Variants in RBFOX1 observed in about 807,000 individuals in gnomAD.
RBFOX1 encodes the protein RNA binding fox-1 homolog 1.
A neutral mutation model predicts 57.7 loss-of-function variants in RBFOX1; 8 were observed. The ratio of observed to expected loss-of-function variants is 0.14; its 90% CI spans 0.08 to 0.25. The LOEUF (loss-of-function observed/expected upper bound fraction) is 0.25, where lower values mean the gene tolerates loss of function less well. RBFOX1 is among the 10% of genes least tolerant of loss of function. The probability of loss-of-function intolerance (pLI) is 1.00; values close to 1 mark genes in which losing one functional copy is unlikely to be tolerated. For synonymous variants in RBFOX1, 326 were observed against 222.4 expected (o/e 1.47, Z -4.15); for missense variants, 611 against 548.5 (o/e 1.11, Z -1.14).
At chr16:7,006,908 A>G (rs114934927) in intron 3 of RBFOX1, among the ~76,000 whole-genome samples, 47 of 152,210 alleles carry the variant, frequency 3.1e-4, no homozygotes, top group African/African-American at 1.1e-3. Flanking sequence ...TCACCTCCCC[A>G]TATGGACGCA....
At chr16:7,525,164 TA>T (rs1462284991) in intron 5 of RBFOX1, among the ~76,000 whole-genome samples, 2 of 152,210 alleles carry the variant, frequency 1.3e-5, no homozygotes, top group African/African-American at 4.8e-5. Context: ...ATTCAATCTT[TA>T]TATCTTATAA....
intron 4 of RBFOX1, among the ~76,000 whole-genome samples, chr16:7,319,550 A>T (rs2143006400): frequency 6.6e-6 from 1 of 152,172 alleles, no homozygotes; most frequent in African/African-American, 2.4e-5. Flanking sequence ...CAGCAGTGGG[A>T]TTTCTCTGGA....
At chr16:7,051,243 A>G (rs1405814693) in intron 3 of RBFOX1, among the ~76,000 whole-genome samples, 1 of 152,220 alleles carries the variant, frequency 6.6e-6, no homozygotes, top group East Asian at 1.9e-4. Context: ...ATGACCATAT[A>G]TCTCAAAATT....
chr16:5,568,211 T>G (rs1462855126), intron 2 of RBFOX1, among the ~76,000 whole-genome samples: 5 of 152,158 alleles, frequency 3.3e-5, no homozygotes, highest in African/African-American at 1.2e-4. Flanking sequence ...ACACTGCACT[T>G]CAGGTTGCAG....
chr16:7,701,539 G>A (rs772591693), intron 14 of RBFOX1, among the ~76,000 whole-genome samples: 12 of 152,118 alleles, frequency 7.9e-5, no homozygotes, highest in Non-Finnish European at 1.6e-4. Flanking sequence ...CACCTCCCTG[G>A]TCTGTGGAAA....
At chr16:6,027,495 AACCTTTC>A (rs2095218695) in intron 1 of RBFOX1, among the ~76,000 whole-genome samples, 1 of 152,142 alleles carries the variant, frequency 6.6e-6, no homozygotes, top group Admixed American at 6.5e-5. Flanking sequence ...CTAAGTCCAT[AACCTTTC>A]ACTTTCTTCA....
At chr16:5,922,414 G>T (rs747659092) in intron 4 of RBFOX1, among the ~76,000 whole-genome samples, 1 of 152,176 alleles carries the variant, frequency 6.6e-6, no homozygotes, top group South Asian at 2.1e-4. Flanking sequence ...GGCAAGGAGG[G>T]TGTCTCAGCT....
chr16:7,139,176 C>CTCTCTGTG (rs372381673), intron 4 of RBFOX1, among the ~76,000 whole-genome samples: 1 of 145,908 alleles, frequency 6.9e-6, no homozygotes, highest in African/African-American at 2.6e-5. Flanking sequence ...CAATCTCTCT[C>CTCTCTGTG]TGTGTGTGTG....
At chr16:6,270,460 CA>C (rs60224616) in intron 1 of RBFOX1, among the ~76,000 whole-genome samples, 33,387 of 114,364 alleles carry the variant, frequency 0.29, 4,890 homozygotes, top group African/African-American at 0.5. Context: ...GATTTAAGAG[CA>C]AAAAAAAAAA....
intron 3 of RBFOX1, among the ~76,000 whole-genome samples, chr16:6,743,732 T>G (rs541041101): frequency 6.6e-6 from 1 of 151,538 alleles, no homozygotes; most frequent in East Asian, 1.9e-4. Flanking sequence ...TCCACTGCAC[T>G]CAGGGCAAAG....
At chr16:7,358,093 T>C (rs1485519063) in intron 4 of RBFOX1, among the ~76,000 whole-genome samples, 1 of 152,198 alleles carries the variant, frequency 6.6e-6, no homozygotes, top group Non-Finnish European at 1.5e-5. Context: ...CGATAGGTAA[T>C]TTACAAGACT....
chr16:5,527,930 T>C (rs2044307519), intron 2 of RBFOX1, among the ~76,000 whole-genome samples: 1 of 152,168 alleles, frequency 6.6e-6, no homozygotes. Flanking sequence ...CACAGTGACT[T>C]CTACCTTTAT....
At chr16:5,890,696 T>TGA (rs1299121824) in intron 4 of RBFOX1, among the ~76,000 whole-genome samples, 16 of 72,654 alleles carry the variant, frequency 2.2e-4, no homozygotes, top group African/African-American at 7.8e-4. Flanking sequence ...GAGTCTGTAT[T>TGA]GAAAAAAAAA....
At chr16:7,344,323 TAGAA>T (rs2096953865) in intron 4 of RBFOX1, among the ~76,000 whole-genome samples, 2 of 150,756 alleles carry the variant, frequency 1.3e-5, no homozygotes, top group East Asian at 3.9e-4. Context: ...AAAAAACTGA[TAGAA>T]ATAATAATTG....
At chr16:6,985,889 C>G (rs1480639472) in intron 3 of RBFOX1, among the ~76,000 whole-genome samples, 1 of 134,868 alleles carries the variant, frequency 7.4e-6, no homozygotes, top group East Asian at 2.2e-4. Flanking sequence ...TCTTTTTTTG[C>G]AGGACTTCTT....
intron 4 of RBFOX1, among the ~76,000 whole-genome samples, chr16:7,380,780 G>A (rs1169946823): frequency 6.6e-6 from 1 of 152,214 alleles, no homozygotes. Context: ...AATAAGAAAT[G>A]TAATAATAAA....
intron 3 of RBFOX1, among the ~76,000 whole-genome samples, chr16:6,887,297 G>C (rs2064289078): frequency 6.6e-6 from 1 of 152,160 alleles, no homozygotes; most frequent in Admixed American, 6.5e-5. Flanking sequence ...GTGTGGTGGG[G>C]TTATAAAGGG....
intron 4 of RBFOX1, among the ~76,000 whole-genome samples, chr16:7,098,682 G>T (rs944964838): frequency 4.6e-5 from 7 of 152,090 alleles, no homozygotes; most frequent in African/African-American, 1.7e-4. Flanking sequence ...CTGGGTGGTG[G>T]CTCATGCCTG....
At chr16:5,515,045 CTT>C (rs145768412) in intron 2 of RBFOX1, among the ~76,000 whole-genome samples, 1,981 of 152,208 alleles carry the variant, frequency 0.013, 53 homozygotes, top group African/African-American at 0.046. Context: ...GTCCCAGACT[CTT>C]TAACAACCAA....
Sources: allele counts gnomAD v4.1 joint callset (sites outside exome capture counted in the v4.1 genomes callset), GRCh38; gene constraint gnomAD v4.1.1; transcripts MANE v1.5; gene names NCBI Gene and HGNC (gene_info 2026-07-23, HGNC 2026-07-21).